Variants in MACROD1 observed in about 807,000 individuals in gnomAD.
MACROD1 encodes the protein mono-ADP ribosylhydrolase 1.
A neutral mutation model predicts 41.4 loss-of-function variants in MACROD1; 31 were observed. That is an observed-to-expected ratio of 0.75 (90% CI 0.56 to 1.01). The LOEUF (loss-of-function observed/expected upper bound fraction) is 1.01, where lower values mean the gene tolerates loss of function less well. Among genes scored for constraint, MACROD1 ranks in the 50% least tolerant of loss-of-function variants. The pLI is 0.00. For synonymous variants in MACROD1, 252 were observed against 203.4 expected, an observed-to-expected ratio of 1.24 and a Z score of -2.03; for missense variants, 473 against 460.0, an observed-to-expected ratio of 1.03 and a Z score of -0.26.
chr11:64,137,657 C>A (rs893988860), intron 3 of MACROD1, among the ~76,000 whole-genome samples: 1 of 152,120 alleles, frequency 6.6e-6, no homozygotes, highest in African/African-American at 2.4e-5. Flanking sequence ...AGAGTGTAAA[C>A]TACAAGGGCA....
intron 3 of MACROD1, among the ~76,000 whole-genome samples, chr11:64,149,689 C>T (rs994973951): frequency 2.0e-5 from 3 of 152,240 alleles, no homozygotes; most frequent in African/African-American, 4.8e-5. Context: ...AAGAAGGTAC[C>T]GCTGCAGTAC....
chr11:64,020,451 C>T (rs1943138009), intron 3 of MACROD1, among the ~76,000 whole-genome samples: 1 of 152,036 alleles, frequency 6.6e-6, no homozygotes, highest in South Asian at 2.1e-4. Context: ...ATGAGAAATC[C>T]CTTTGCTCTT....
At chr11:64,099,191 C>T (rs961928812) in intron 3 of MACROD1, among the ~76,000 whole-genome samples, 8 of 152,212 alleles carry the variant, frequency 5.3e-5, no homozygotes, top group African/African-American at 1.2e-4. Flanking sequence ...CACAGCACAG[C>T]GTCATCTTCT....
intron 3 of MACROD1, among the ~76,000 whole-genome samples, chr11:64,019,101 C>A (rs1943119919): frequency 6.6e-6 from 1 of 152,216 alleles, no homozygotes; most frequent in African/African-American, 2.4e-5. Flanking sequence ...GGGGCGGGGC[C>A]TCCCGGCAGC....
At chr11:64,053,524 G>A (rs1172712206) in intron 3 of MACROD1, among the ~76,000 whole-genome samples, 1 of 152,110 alleles carries the variant, frequency 6.6e-6, no homozygotes, top group Non-Finnish European at 1.5e-5. Context: ...GGGAGGCAAG[G>A]CTGGTCTGAG....
intron 1 of MACROD1, 137 bp downstream of exon 1, chr11:64,165,560 C>T (rs1254423722): frequency 5.7e-6 from 4 of 695,886 alleles, no homozygotes; most frequent in Non-Finnish European, 8.6e-6. Context: ...AGGAGGGGTC[C>T]GTTCCAGGGC....
intron 3 of MACROD1, among the ~76,000 whole-genome samples, chr11:64,045,247 C>T (rs1943562208): frequency 6.6e-6 from 1 of 152,192 alleles, no homozygotes; most frequent in Non-Finnish European, 1.5e-5. Context: ...GGCGAAGGGG[C>T]CCGGGAGGGT....
intron 3 of MACROD1, among the ~76,000 whole-genome samples, chr11:64,113,877 TG>T (rs1944912689): frequency 7.0e-6 from 1 of 142,876 alleles, no homozygotes. Context: ...GATACATGGA[TG>T]GATGGATGGA....
At chr11:64,029,172 AC>A (rs1341118537) in intron 3 of MACROD1, among the ~76,000 whole-genome samples, 4 of 152,104 alleles carry the variant, frequency 2.6e-5, no homozygotes, top group African/African-American at 9.7e-5. Flanking sequence ...GGGAGTGGCC[AC>A]CTGCTGGGGT....
At chr11:64,053,102 G>A (rs567522170) in intron 3 of MACROD1, among the ~76,000 whole-genome samples, 5 of 152,214 alleles carry the variant, frequency 3.3e-5, no homozygotes, top group Non-Finnish European at 7.3e-5. Flanking sequence ...GGGCCTGCCT[G>A]AGGGGTGTGC....
intron 3 of MACROD1, among the ~76,000 whole-genome samples, chr11:64,141,984 C>A (rs1480876119): frequency 6.6e-6 from 1 of 152,212 alleles, no homozygotes; most frequent in Non-Finnish European, 1.5e-5. Context: ...ACGCCAAATG[C>A]CAGGAGGGCA....
chr11:64,102,232 C>T (rs936043767), intron 3 of MACROD1, among the ~76,000 whole-genome samples: 2 of 152,298 alleles, frequency 1.3e-5, no homozygotes, highest in Middle Eastern at 3.4e-3. Flanking sequence ...ACCAGGGCGC[C>T]GCGGCCCTTC....
At chr11:64,019,208 C>T (rs1051363018) in intron 3 of MACROD1, among the ~76,000 whole-genome samples, 1 of 152,202 alleles carries the variant, frequency 6.6e-6, no homozygotes, top group Non-Finnish European at 1.5e-5. Flanking sequence ...CCGGCCCCAT[C>T]GGGTTCCCCC....
intron 3 of MACROD1, among the ~76,000 whole-genome samples, chr11:64,049,918 C>T (rs1383937569): frequency 6.6e-6 from 1 of 152,188 alleles, no homozygotes; most frequent in Admixed American, 6.5e-5. Context: ...ACGCTGTGGC[C>T]CCGGGGGGGA....
intron 3 of MACROD1, among the ~76,000 whole-genome samples, chr11:64,143,743 GACACACACATACACACACACACACACAC>G (rs1488892675): frequency 1.4e-5 from 1 of 71,482 alleles, no homozygotes; most frequent in Non-Finnish European, 2.6e-5. Context: ...CCCCAACCCC[GACACACACATACACACACACACACACAC>G]ACACACACAC....
chr11:64,165,772 C>T lies in MACROD1; in HGVS notation c.223G>A (p.Val75Met), dbSNP rs761861979. 2 of 1,496,214 alleles carry T rather than the reference C, an allele frequency of 1.3e-6. No individual in the cohort carries two copies. Among genetic ancestry groups the T allele is most frequent in the Admixed American group, 5.0e-5 (2 of 40,308 alleles). 92.7% of individuals were successfully genotyped at this position (1,496,214 alleles called of 1,614,324 possible). A position where few individuals can be genotyped will look rare whatever the true frequency, so the allele number is the denominator to read the frequency against. ...ATGGCCAGGGGGGCCCAAGTGCGCA[C>T]CCCGGCTGTCCGCCCCACCGCCGCC... ...GAAAVGRTAGVRTWAPLAMAA... is the reference protein window; with the variant it reads ...GAAAVGRTAGMRTWAPLAMAA... The change falls in exon 1 of 11, where the codon GTG becomes ATG. Residue 75 changes from valine (V) to methionine (M), a missense_variant. By Grantham distance (21) the Val-to-Met change is conservative (BLOSUM62 1). Coordinates refer to ENST00000255681, the MANE Select transcript of MACROD1 (RefSeq NM_014067.4).
intron 5 of MACROD1, 193 bp from the exon 6 acceptor site, chr11:63,999,956 C>G (rs1186151937): frequency 1.4e-6 from 1 of 697,148 alleles, no homozygotes; most frequent in Non-Finnish European, 2.3e-6. Flanking sequence ...CCCGCGCCCC[C>G]TCCCCACATC....
At chr11:64,077,982 C>T (rs184601700) in intron 3 of MACROD1, among the ~76,000 whole-genome samples, 4 of 152,068 alleles carry the variant, frequency 2.6e-5, no homozygotes, top group South Asian at 2.1e-4. Context: ...TTTCCCCTGC[C>T]TCCTCCTCAG....
intron 3 of MACROD1, among the ~76,000 whole-genome samples, chr11:64,016,129 C>T (rs553349018): frequency 6.1e-5 from 9 of 147,276 alleles, no homozygotes; most frequent in East Asian, 1.9e-4. Flanking sequence ...CACCTTCCTG[C>T]GCACAGCCCT....
Sources: gnomAD v4.1 joint callset for allele counts (sites outside exome capture counted in the v4.1 genomes callset) on GRCh38, gnomAD v4.1.1 for gene constraint, MANE v1.5 for transcripts, NCBI Gene and HGNC (gene_info 2026-07-23, HGNC 2026-07-21) for gene names.